Variants in CFAP299 observed in about 807,000 individuals in gnomAD.
CFAP299 encodes cilia and flagella associated protein 299, also known as cilia- and flagella-associated protein 299.
A neutral mutation model predicts 27.0 loss-of-function variants in CFAP299; 21 were observed. That is an observed-to-expected ratio of 0.78 (90% CI 0.55 to 1.12). The LOEUF is 1.12. CFAP299 is among the 50% of genes most tolerant of loss of function. The pLI is 0.00. For synonymous variants in CFAP299, 104 were observed against 98.1 expected, an observed-to-expected ratio of 1.06 and a Z score of -0.36; for missense variants, 310 against 276.6, an observed-to-expected ratio of 1.12 and a Z score of -0.86.
chr4:80,324,783 T>C, the CFAP299 span, among the ~76,000 whole-genome samples: 4 of 152,170 alleles, frequency 2.6e-5, no homozygotes, highest in Admixed American at 6.5e-5. Context: ...TAGTAGATGT[T>C]CTGAGTGGAT....
intron 4 of CFAP299, among the ~76,000 whole-genome samples, chr4:80,919,499 T>C (rs1735933506): frequency 1.3e-5 from 2 of 152,290 alleles, no homozygotes; most frequent in East Asian, 3.9e-4. Flanking sequence ...CATTTGGAAC[T>C]CTTAGTATGA....
chr4:80,496,741 A>C (rs1041329536), intron 2 of CFAP299, among the ~76,000 whole-genome samples: 1 of 152,198 alleles, frequency 6.6e-6, no homozygotes, highest in Non-Finnish European at 1.5e-5. Context: ...AGACTGGGTA[A>C]TTCATAAAGA....
chr4:80,606,381 A>G (rs952267038), intron 3 of CFAP299, among the ~76,000 whole-genome samples: 6 of 152,120 alleles, frequency 3.9e-5, no homozygotes, highest in African/African-American at 2.4e-5. Flanking sequence ...CTAAAAATAT[A>G]AAAAATTAGC....
chr4:80,608,008 A>C (rs1480099362), intron 3 of CFAP299, among the ~76,000 whole-genome samples: 2 of 152,162 alleles, frequency 1.3e-5, no homozygotes, highest in Non-Finnish European at 2.9e-5. Flanking sequence ...AATGTAGTGT[A>C]GTGGAGACAT....
At chr4:80,853,776 G>T (rs1411453234) in intron 3 of CFAP299, among the ~76,000 whole-genome samples, 3 of 152,134 alleles carry the variant, frequency 2.0e-5, no homozygotes, top group Non-Finnish European at 4.4e-5. Context: ...AGAACCCCGA[G>T]GTTTTTGGCC....
chr4:80,396,838 C>A (rs369632087), intron 2 of CFAP299, among the ~76,000 whole-genome samples: 35 of 152,094 alleles, frequency 2.3e-4, no homozygotes, highest in Non-Finnish European at 3.5e-4. Context: ...GTCTAAAATT[C>A]TCTTTTTTTG....
At chr4:80,621,312 A>G (rs1207553281) in intron 3 of CFAP299, among the ~76,000 whole-genome samples, 1 of 152,130 alleles carries the variant, frequency 6.6e-6, no homozygotes, top group Non-Finnish European at 1.5e-5. Flanking sequence ...ATGATTAAGT[A>G]TCAGATTTAA....
intron 2 of CFAP299, among the ~76,000 whole-genome samples, chr4:80,538,619 C>T (rs1182348404): frequency 1.3e-5 from 2 of 150,858 alleles, no homozygotes; most frequent in African/African-American, 4.9e-5. Flanking sequence ...TGTTTAAATA[C>T]ATAGATACTT....
At chr4:80,638,677 T>C (rs1739574240) in intron 3 of CFAP299, among the ~76,000 whole-genome samples, 1 of 152,186 alleles carries the variant, frequency 6.6e-6, no homozygotes, top group Non-Finnish European at 1.5e-5. Context: ...TCATATTTTC[T>C]GATGGTAAGT....
At chr4:80,390,647 A>C (rs114880664) in intron 2 of CFAP299, among the ~76,000 whole-genome samples, 5,136 of 114,474 alleles carry the variant, frequency 0.045, 486 homozygotes, top group African/African-American at 0.15. Flanking sequence ...ACATATATGT[A>C]TGTACACACA....
At chr4:80,774,868 CTT>C (rs1726434873) in intron 3 of CFAP299, among the ~76,000 whole-genome samples, 1 of 151,822 alleles carries the variant, frequency 6.6e-6, no homozygotes, top group East Asian at 1.9e-4. Context: ...CACAGTCACA[CTT>C]ATGAAATTAA....
intron 3 of CFAP299, among the ~76,000 whole-genome samples, chr4:80,601,975 C>T (rs1737375960): frequency 6.6e-6 from 1 of 152,160 alleles, no homozygotes; most frequent in South Asian, 2.1e-4. Context: ...AGACCAAATA[C>T]TGCATGTTCT....
chr4:80,587,449 T>C (rs1425634761), intron 3 of CFAP299, among the ~76,000 whole-genome samples: 1 of 152,144 alleles, frequency 6.6e-6, no homozygotes, highest in African/African-American at 2.4e-5. Context: ...TATCACAAGC[T>C]GAAGACACAT....
rs115888321 is a variant in CFAP299, at chr4:80,763,492, A to G, written c.334-106501A>G. Among the ~76,000 whole-genome samples, 581 of 152,300 alleles carry G rather than the reference A, an allele frequency of 3.8e-3. 6 individuals carry two copies. Among genetic ancestry groups the G allele is most frequent in the African/African-American group, 0.013 (558 of 41,568 alleles). On this transcript the variant is annotated intron_variant, in intron 3 of 5. Transcript: ENST00000358105. ...ATGGAAAAACATTCCATACTCATGTATAGGAAGAATCAATATGGTAAAAAT... is the reference window on the plus strand; with the variant it reads ...ATGGAAAAACATTCCATACTCATGTGTAGGAAGAATCAATATGGTAAAAAT...
intron 3 of CFAP299, among the ~76,000 whole-genome samples, chr4:80,656,054 C>T (rs1740539860): frequency 6.6e-6 from 1 of 152,066 alleles, no homozygotes; most frequent in Non-Finnish European, 1.5e-5. Context: ...TTTGAATATG[C>T]ATAAACCAAT....
Position 80,340,785 on chromosome 4 carries a change from T to G in CFAP299, c.111+4906T>G, listed in dbSNP as rs572151017. ...ATAACACTCCTTTATTTTATTTTATTATTTTTTTTTTTGGAGTTTCACTCT... is the reference window on the plus strand; with the variant it reads ...ATAACACTCCTTTATTTTATTTTATGATTTTTTTTTTTGGAGTTTCACTCT... On this transcript the variant is annotated intron_variant, in intron 1 of 5. Coordinates refer to ENST00000358105, the MANE Select transcript of CFAP299 (RefSeq NM_152770.3). Among the ~76,000 whole-genome samples the G allele has an allele frequency of 1.4e-4, 19 of 137,748 alleles. No individual in the cohort carries two copies. The East Asian group carries it at 3.7e-3, about 27-fold the overall frequency. 90.4% of individuals were successfully genotyped at this position (137,748 alleles called of 152,430 possible). A position where few individuals can be genotyped will look rare whatever the true frequency, so the allele number is the denominator to read the frequency against.
At chr4:80,836,516 T>C (rs995627469) in intron 3 of CFAP299, among the ~76,000 whole-genome samples, 1 of 152,190 alleles carries the variant, frequency 6.6e-6, no homozygotes, top group East Asian at 1.9e-4. Context: ...AGCCAACATG[T>C]TGAATTTTAC....
intron 2 of CFAP299, among the ~76,000 whole-genome samples, chr4:80,379,012 T>G (rs1400273067): frequency 2.0e-5 from 3 of 152,074 alleles, no homozygotes; most frequent in Admixed American, 6.5e-5. Flanking sequence ...TTTGTAGAGT[T>G]GATGTTATTT....
intron 4 of CFAP299, among the ~76,000 whole-genome samples, chr4:80,890,564 G>T (rs1734217891): frequency 6.6e-6 from 1 of 150,476 alleles, no homozygotes; most frequent in Admixed American, 6.6e-5. Flanking sequence ...ATAGTCCTTT[G>T]GGTATATACC....
Sources: allele counts gnomAD v4.1 joint callset (sites outside exome capture counted in the v4.1 genomes callset), GRCh38; gene constraint gnomAD v4.1.1; transcripts MANE v1.5; gene names NCBI Gene and HGNC (gene_info 2026-07-23, HGNC 2026-07-21).